The following BCAR3 variants were observed in gnomAD, a reference collection of about 807,000 sequenced individuals.
BCAR3 encodes breast cancer anti-estrogen resistance protein 3.
In BCAR3, 37 loss-of-function variants were observed where a neutral mutation model predicts 80.1. The observed-to-expected ratio is 0.46, with a 90% confidence interval of 0.36 to 0.61. The LOEUF is 0.61. BCAR3 is among the 20% of genes least tolerant of loss of function. The probability of loss-of-function intolerance (pLI) is 0.00; values close to 1 mark genes in which losing one functional copy is unlikely to be tolerated. For missense variants in BCAR3, 978 were observed against 1,068.2 expected (o/e 0.92, Z 1.18); for synonymous variants, 389 against 418.9 (o/e 0.93, Z 0.87).
intron 2 of BCAR3, among the ~76,000 whole-genome samples, chr1:93,717,819 G>T (rs1650243999): frequency 6.6e-6 from 1 of 152,132 alleles, no homozygotes; most frequent in African/African-American, 2.4e-5. Context: ...GTTGTTATTG[G>T]GGCTGCTCAT....
intron 11 of BCAR3, among the ~76,000 whole-genome samples, chr1:93,562,960 TTAAAA>T (rs891558306): frequency 2.0e-5 from 3 of 151,988 alleles, no homozygotes; most frequent in Admixed American, 2.0e-4. Flanking sequence ...GGTAAACTCA[TTAAAA>T]AACAATAGAG....
At chr1:93,651,267 AG>A (rs973413394) in intron 2 of BCAR3, among the ~76,000 whole-genome samples, 1 of 152,172 alleles carries the variant, frequency 6.6e-6, no homozygotes, top group Non-Finnish European at 1.5e-5. Flanking sequence ...ACCTACGGGG[AG>A]GAAGATTTTC....
At chr1:93,780,052 C>T (rs1251739339) in intron 2 of BCAR3, among the ~76,000 whole-genome samples, 1 of 152,182 alleles carries the variant, frequency 6.6e-6, no homozygotes, top group Non-Finnish European at 1.5e-5. Flanking sequence ...TCCTGGAATT[C>T]CCTCCCACCC....
intron 3 of BCAR3, among the ~76,000 whole-genome samples, chr1:93,617,855 G>C (rs1011636242): frequency 6.6e-6 from 1 of 152,226 alleles, no homozygotes; most frequent in African/African-American, 2.4e-5. Context: ...GCTCTGTGGA[G>C]AGCAGTGTGG....
chr1:93,841,948 T>G (rs74101588), intron 2 of BCAR3, among the ~76,000 whole-genome samples: 1,982 of 152,246 alleles, frequency 0.013, 39 homozygotes, highest in African/African-American at 0.045. Flanking sequence ...TGAGTCTGGT[T>G]TCTACCCTGC....
rs528933154 is a variant in BCAR3 at position 93,584,632 on chromosome 1, G to T, written c.930-511C>A. 5.3e-5 allele frequency among the ~76,000 whole-genome samples: 8 copies of T among 152,308 alleles called. No individual in the cohort carries two copies. In the South Asian group the frequency reaches 8.3e-4, roughly 16 times the overall value. ...CAAATAACCTGCAGGACTGCCTGGGGAGGCTGCCATCCCCAACCTCCTGGC... is the reference window on the plus strand; with the variant it reads ...CAAATAACCTGCAGGACTGCCTGGGTAGGCTGCCATCCCCAACCTCCTGGC... On this transcript the variant is annotated intron_variant, in intron 5 of 11. Coordinates refer to ENST00000260502, the MANE Select transcript of BCAR3 (RefSeq NM_003567.4).
intron 2 of BCAR3, among the ~76,000 whole-genome samples, chr1:93,643,384 C>A (rs112428615): frequency 2.0e-3 from 298 of 149,308 alleles, no homozygotes; most frequent in East Asian, 5.3e-3. Context: ...ACAAAAAAAA[C>A]CAAAAACAAA....
chr1:93,626,482 G>C (rs960724278), intron 3 of BCAR3, among the ~76,000 whole-genome samples: 2 of 152,094 alleles, frequency 1.3e-5, no homozygotes, highest in African/African-American at 4.8e-5. Flanking sequence ...GTCTTCTGGG[G>C]GTCTGAGAGG....
chr1:93,577,964 G>A (rs903966258), intron 7 of BCAR3, among the ~76,000 whole-genome samples: 2 of 152,216 alleles, frequency 1.3e-5, no homozygotes, highest in South Asian at 2.1e-4. Flanking sequence ...AGCTCACACC[G>A]CAGGGCCTGC....
chr1:93,830,956 C>T (rs566732202), intron 2 of BCAR3, among the ~76,000 whole-genome samples: 2 of 152,072 alleles, frequency 1.3e-5, no homozygotes, highest in African/African-American at 4.8e-5. Context: ...TTCTCGCTAC[C>T]CTTCAATCTC....
chr1:93,769,051 G>A lies in BCAR3; in HGVS notation c.-62-62909C>T, dbSNP rs540949120. ...CGCTGGCTGGAAAAGGTCCTGGAGCGTCTGGGGTTTTACAGGGTAAAGAGA... is the reference window on the plus strand; with the variant it reads ...CGCTGGCTGGAAAAGGTCCTGGAGCATCTGGGGTTTTACAGGGTAAAGAGA... On this transcript the variant is annotated intron_variant, in intron 2 of 13. Transcript: ENST00000370244. 1.9e-4 allele frequency among the ~76,000 whole-genome samples: 29 copies of A among 152,316 alleles called. No homozygotes were observed. The South Asian group carries it at 2.1e-3, about 11-fold the overall frequency.
At chr1:93,724,403 G>A (rs1223071657) in intron 2 of BCAR3, among the ~76,000 whole-genome samples, 2 of 152,228 alleles carry the variant, frequency 1.3e-5, no homozygotes, top group African/African-American at 4.8e-5. Flanking sequence ...TTCATACACA[G>A]GAGCCCTTGT....
At chr1:93,821,317 C>G (rs1447153851) in intron 2 of BCAR3, among the ~76,000 whole-genome samples, 1 of 152,138 alleles carries the variant, frequency 6.6e-6, no homozygotes, top group African/African-American at 2.4e-5. Context: ...CTCCTCTGAC[C>G]TCACCAAGGA....
chr1:93,818,891 A>C (rs1033320772), intron 2 of BCAR3, among the ~76,000 whole-genome samples: 5 of 152,228 alleles, frequency 3.3e-5, no homozygotes, highest in Non-Finnish European at 7.3e-5. Flanking sequence ...AAATGAGTGT[A>C]AGCACCTAAA....
At chr1:93,728,280 A>G (rs566742181) in intron 2 of BCAR3, among the ~76,000 whole-genome samples, 28 of 152,334 alleles carry the variant, frequency 1.8e-4, no homozygotes, top group African/African-American at 6.5e-4. Context: ...CCGCTGCTCA[A>G]ACCTCTAGGG....
At chr1:93,727,579 C>CAGGT (rs930230208) in intron 2 of BCAR3, among the ~76,000 whole-genome samples, 1 of 152,192 alleles carries the variant, frequency 6.6e-6, no homozygotes, top group Non-Finnish European at 1.5e-5. Context: ...ACTCACGAGG[C>CAGGT]AGGTACCTTT....
At chr1:93,832,776 T>C (rs1166087651) in intron 2 of BCAR3, among the ~76,000 whole-genome samples, 1 of 152,170 alleles carries the variant, frequency 6.6e-6, no homozygotes. Context: ...TTTTATGCAC[T>C]CCTTTTTAGT....
In BCAR3 at chr1:93,802,928, C is replaced by G. The variant is rs77593279; in HGVS notation, c.-63+42639G>C. Among the ~76,000 whole-genome samples the G allele has an allele frequency of 8.7e-3, 1,327 of 152,266 alleles. 18 individuals are homozygous for G. The highest frequency in any genetic ancestry group is 0.031 in the African/African-American group (1,284 of 41,538). Reference sequence around the variant, plus strand: ...CTCCCTCCTTCTCCTTTGTCTGCAACCAACTAATCGTGTTCAGGGTCAAAA... The same window carrying G: ...CTCCCTCCTTCTCCTTTGTCTGCAAGCAACTAATCGTGTTCAGGGTCAAAA... On this transcript the variant is annotated intron_variant, in intron 2 of 13. Transcript: ENST00000370244.
intron 2 of BCAR3, among the ~76,000 whole-genome samples, chr1:93,665,160 A>C (rs1024771517): frequency 7.9e-5 from 12 of 151,900 alleles, no homozygotes; most frequent in African/African-American, 2.4e-4. Flanking sequence ...AGCAGCCATC[A>C]CCCTTTAGGC....
Sources: allele counts gnomAD v4.1 joint callset (sites outside exome capture counted in the v4.1 genomes callset), GRCh38; gene constraint gnomAD v4.1.1; transcripts MANE v1.5; gene names NCBI Gene and HGNC (gene_info 2026-07-23, HGNC 2026-07-21).